ADGRB3: variants seen among roughly 807,000 people sequenced by gnomAD.
The protein encoded by ADGRB3 is brain-specific angiogenesis inhibitor 3.
In ADGRB3, 37 loss-of-function variants were observed where a neutral mutation model predicts 193.4. The observed-to-expected ratio is 0.19, with a 90% CI of 0.15 to 0.25. The LOEUF (loss-of-function observed/expected upper bound fraction) is 0.25, where lower values mean the gene tolerates loss of function less well. Ranked by LOEUF, ADGRB3 falls within the 10% of genes least tolerant of loss-of-function variation. The pLI, the probability that ADGRB3 is intolerant of heterozygous loss-of-function variation, is 1.00. For synonymous variants in ADGRB3, 690 were observed against 644.2 expected (o/e 1.07, Z -1.08); for missense variants, 1,637 against 1,852.9 (o/e 0.88, Z 2.14).
chr6:69,197,623 T>C (rs1765329378), intron 17 of ADGRB3, among the ~76,000 whole-genome samples: 1 of 152,072 alleles, frequency 6.6e-6, no homozygotes, highest in African/African-American at 2.4e-5. Context: ...CTGTTTTAAA[T>C]GTGAGACTCC....
At chr6:68,858,017 G>T (rs775212089) in intron 3 of ADGRB3, among the ~76,000 whole-genome samples, 1 of 152,178 alleles carries the variant, frequency 6.6e-6, no homozygotes. Flanking sequence ...GATGTGACTT[G>T]CTCCTCCTTG....
intron 3 of ADGRB3, among the ~76,000 whole-genome samples, chr6:68,726,525 C>G (rs1765676538): frequency 6.6e-6 from 1 of 151,582 alleles, no homozygotes; most frequent in Admixed American, 6.6e-5. Context: ...TCTTAAAGCT[C>G]AATCTGGACT....
At chr6:68,958,131 G>T (rs1768130320) in intron 8 of ADGRB3, among the ~76,000 whole-genome samples, 4 of 152,090 alleles carry the variant, frequency 2.6e-5, no homozygotes, top group Admixed American at 2.6e-4. Flanking sequence ...AACCCAGGAG[G>T]TGGAGGTTGC....
chr6:69,106,443 C>T (rs147937285), intron 17 of ADGRB3, among the ~76,000 whole-genome samples: 63 of 151,974 alleles, frequency 4.1e-4, no homozygotes, highest in African/African-American at 1.4e-3. Flanking sequence ...TTTTTCTGTC[C>T]GTATTAGTAC....
chr6:69,055,573 A>T (rs568012051), intron 15 of ADGRB3, among the ~76,000 whole-genome samples: 115 of 152,106 alleles, frequency 7.6e-4, no homozygotes, highest in Admixed American at 1.5e-3. Flanking sequence ...CCTCTTGGCA[A>T]TTGTCAATTA....
At chr6:69,014,286 A>G (rs1193280057) in intron 12 of ADGRB3, among the ~76,000 whole-genome samples, 180 bp downstream of exon 12, 1 of 152,106 alleles carries the variant, frequency 6.6e-6, no homozygotes, top group African/African-American at 2.4e-5. Context: ...AGGAATATTT[A>G]TACATGTGAA....
intron 20 of ADGRB3, among the ~76,000 whole-genome samples, chr6:69,293,596 C>A (rs141622246): frequency 6.6e-6 from 1 of 152,164 alleles, no homozygotes; most frequent in African/African-American, 2.4e-5. Flanking sequence ...GGCTCCATTT[C>A]GTTCTCTAAA....
chr6:69,215,643 T>C (rs1368442312), intron 17 of ADGRB3, among the ~76,000 whole-genome samples: 1 of 152,150 alleles, frequency 6.6e-6, no homozygotes, highest in Non-Finnish European at 1.5e-5. Flanking sequence ...TAATGTAGCC[T>C]ATCCCACAAT....
chr6:68,797,213 AGAG>A (rs1037418534), intron 3 of ADGRB3, among the ~76,000 whole-genome samples: 3 of 152,112 alleles, frequency 2.0e-5, no homozygotes, highest in African/African-American at 4.8e-5. Context: ...GGTTCAGAGA[AGAG>A]GAGAACACGA....
intron 17 of ADGRB3, among the ~76,000 whole-genome samples, chr6:69,194,936 T>C (rs1765266192): frequency 6.6e-6 from 1 of 152,164 alleles, no homozygotes; most frequent in Non-Finnish European, 1.5e-5. Flanking sequence ...AAGCATTCAA[T>C]AAATGTTAGC....
At chr6:69,305,837 G>T (rs1251179777) in intron 20 of ADGRB3, among the ~76,000 whole-genome samples, 2 of 151,308 alleles carry the variant, frequency 1.3e-5, no homozygotes, top group Non-Finnish European at 2.9e-5. Flanking sequence ...CATATGTTAT[G>T]CATTCATGGA....
intron 11 of ADGRB3, among the ~76,000 whole-genome samples, chr6:68,998,339 T>G (rs1769457028): frequency 6.6e-6 from 1 of 152,196 alleles, no homozygotes; most frequent in Non-Finnish European, 1.5e-5. Flanking sequence ...AACCCCTACA[T>G]TTTTCTTAAA....
chr6:68,974,657 A>G (rs1465400210), intron 8 of ADGRB3, 106 bp from the exon 9 acceptor site: 1 of 817,886 alleles, frequency 1.2e-6, no homozygotes, highest in African/African-American at 1.7e-5. Flanking sequence ...AGAAAAAAAA[A>G]GAAAACTAAA....
At chr6:69,269,343 A>G (rs1427089826) in intron 20 of ADGRB3, among the ~76,000 whole-genome samples, 2 of 152,210 alleles carry the variant, frequency 1.3e-5, no homozygotes, top group Non-Finnish European at 1.5e-5. Flanking sequence ...AGAAAAAAAC[A>G]TTAAAAATTT....
rs146729484 is a variant in ADGRB3, at chr6:68,843,779, A to G, written c.758-86780A>G. ...ATTACCTGACTTCAAATTAAACTAC[A>G]GAGCTATAGTAACCAAAACAGCATG... is the stretch of plus-strand genomic sequence containing the variant. On this transcript the variant is annotated intron_variant, in intron 3 of 31. Coordinates refer to ENST00000370598, the MANE Select transcript of ADGRB3 (RefSeq NM_001704.3). Among the ~76,000 whole-genome samples, 250 of 152,288 alleles carry G rather than the reference A, an allele frequency of 1.6e-3. 3 individuals are homozygous for G. The highest frequency in any genetic ancestry group is 5.8e-3 in the African/African-American group (241 of 41,562).
At chr6:69,106,587 A>C (rs1286614820) in intron 17 of ADGRB3, among the ~76,000 whole-genome samples, 2 of 152,220 alleles carry the variant, frequency 1.3e-5, no homozygotes, top group African/African-American at 4.8e-5. Context: ...CACTGGTCAG[A>C]TCCATTTGTT....
chr6:68,876,346 G>A (rs1765593104), intron 3 of ADGRB3, among the ~76,000 whole-genome samples: 1 of 152,046 alleles, frequency 6.6e-6, no homozygotes, highest in Non-Finnish European at 1.5e-5. Flanking sequence ...GAGATGATCA[G>A]GCTGTGATTA....
At chr6:68,943,782 A>G in intron 5 of ADGRB3, 48 bp from the exon 6 acceptor site, 1 of 1,458,932 alleles carries the variant, frequency 6.9e-7, no homozygotes, top group Non-Finnish European at 9.2e-7. Flanking sequence ...ATGATCTTTG[A>G]TTTTACTGCT....
intron 20 of ADGRB3, among the ~76,000 whole-genome samples, chr6:69,283,870 C>T (rs1462709655): frequency 3.9e-5 from 6 of 152,118 alleles, no homozygotes; most frequent in Non-Finnish European, 5.9e-5. Context: ...GTTTAGGCAG[C>T]GGTGTCAATT....
Sources: gnomAD v4.1 joint callset for allele counts (sites outside exome capture counted in the v4.1 genomes callset) on GRCh38, gnomAD v4.1.1 for gene constraint, MANE v1.5 for transcripts, NCBI Gene and HGNC (gene_info 2026-07-23, HGNC 2026-07-21) for gene names.